PKD2L2: variants seen among roughly 807,000 people sequenced by gnomAD.
The protein encoded by PKD2L2 is polycystin 2 like 2, transient receptor potential cation channel, also known as polycystin-2-like protein 2.
PKD2L2 carries 67 observed loss-of-function variants against 83.9 expected under a neutral mutation model. The observed-to-expected ratio is 0.80, with a 90% CI of 0.66 to 0.98. The LOEUF (loss-of-function observed/expected upper bound fraction) is 0.98, where lower values mean the gene tolerates loss of function less well. PKD2L2 is among the 50% of genes least tolerant of loss of function. The pLI, the probability that PKD2L2 is intolerant of heterozygous loss-of-function variation, is 0.00. For synonymous variants in PKD2L2, 223 were observed against 237.8 expected, an observed-to-expected ratio of 0.94 and a Z score of 0.57; for missense variants, 632 against 717.2, an observed-to-expected ratio of 0.88 and a Z score of 1.36.
intron 12 of PKD2L2, among the ~76,000 whole-genome samples, chr5:137,929,678 T>C (rs1234250941): frequency 6.6e-6 from 1 of 151,924 alleles, no homozygotes; most frequent in African/African-American, 2.4e-5. Context: ...AATATTTTCA[T>C]CCAGCAAAGC....
Position 137,942,731 on chromosome 5 carries a change from C to T in PKD2L2, c.*365C>T. 1 of 626,500 alleles carries T rather than the reference C, an allele frequency of 1.6e-6. No homozygotes were observed. Among genetic ancestry groups the T allele is most frequent in the South Asian group, 3.0e-5 (1 of 33,250 alleles). The allele number at this position is 626,500 out of a possible 1,614,324, so 38.8% of individuals were successfully genotyped here. A position where few individuals can be genotyped will look rare whatever the true frequency, so the allele number is the denominator to read the frequency against. ...AAATGGGAATGACAATAAATATTTG[C>T]AAATCACACTTGAAAAGCATGTGTC... On this transcript the variant is annotated 3_prime_UTR_variant, in exon 15 of 15. Transcript: ENST00000508883.
At chr5:137,921,588 T>C (rs1195463779) in intron 8 of PKD2L2, 48 bp from the exon 9 acceptor site, 2 of 1,213,748 alleles carry the variant, frequency 1.6e-6, no homozygotes, top group Non-Finnish European at 2.4e-6. Flanking sequence ...TCAGTTGTCA[T>C]GTATGTACAT....
chr5:137,907,011 C>T (rs533954242), intron 6 of PKD2L2, among the ~76,000 whole-genome samples: 5 of 152,112 alleles, frequency 3.3e-5, no homozygotes, highest in South Asian at 2.1e-4. Context: ...TTAGGCAGGC[C>T]GAGACAAATG....
Position 137,901,911 on chromosome 5 carries a change from C to T in PKD2L2, c.746+2174C>T, listed in dbSNP as rs112941906. Among the ~76,000 whole-genome samples, 1,228 of 152,084 alleles carry T rather than the reference C, an allele frequency of 8.1e-3. 12 individuals carry two copies. The highest frequency in any genetic ancestry group is 0.014 in the Non-Finnish European group (927 of 67,986). ...CATCAAACCTGAAACAACAAATACC[C>T]GCTGGAGAAAACTGTTCAGATGTGC... is the stretch of plus-strand genomic sequence containing the variant. On this transcript the variant is annotated intron_variant, in intron 5 of 14. Coordinates refer to ENST00000508883, the MANE Select transcript of PKD2L2 (RefSeq NM_001300921.2).
chr5:137,901,335 T>G (rs942609607), intron 5 of PKD2L2, among the ~76,000 whole-genome samples: 3 of 152,102 alleles, frequency 2.0e-5, no homozygotes, highest in Non-Finnish European at 4.4e-5. Flanking sequence ...ATAGCAGACG[T>G]CATTTTGAAA....
intron 4 of PKD2L2, among the ~76,000 whole-genome samples, chr5:137,895,688 G>A (rs1170936566): frequency 1.3e-5 from 2 of 151,862 alleles, no homozygotes; most frequent in Non-Finnish European, 2.9e-5. Context: ...GACAAGACTG[G>A]CCAACATGGT....
chr5:137,903,528 T>C (rs748272769), intron 5 of PKD2L2, among the ~76,000 whole-genome samples: 4 of 152,224 alleles, frequency 2.6e-5, no homozygotes, highest in Non-Finnish European at 5.9e-5. Flanking sequence ...GAAGCCATTC[T>C]GAAAGGAAAC....
intron 11 of PKD2L2, among the ~76,000 whole-genome samples, chr5:137,925,392 C>G (rs1325753419): frequency 6.6e-6 from 1 of 152,164 alleles, no homozygotes; most frequent in Non-Finnish European, 1.5e-5. Context: ...GGAGTGCCTC[C>G]TAATTTCTGA....
chr5:137,929,578 A>G (rs2150056782), intron 12 of PKD2L2, among the ~76,000 whole-genome samples: 1 of 149,854 alleles, frequency 6.7e-6, no homozygotes, highest in East Asian at 1.9e-4. Flanking sequence ...ACGGTAAAAG[A>G]CTTAAAATAT....
At chr5:137,936,509 G>T in intron 14 of PKD2L2, 82 bp downstream of exon 14, 1 of 1,173,604 alleles carries the variant, frequency 8.5e-7, no homozygotes, top group Non-Finnish European at 1.2e-6. Flanking sequence ...AGGCTGGAGT[G>T]CAGTGGCGTG....
At chr5:137,917,758 G>A (rs1046668662) in intron 8 of PKD2L2, among the ~76,000 whole-genome samples, 2 of 152,170 alleles carry the variant, frequency 1.3e-5, no homozygotes, top group African/African-American at 2.4e-5. Context: ...GTCTTTCTCA[G>A]AGAGCGTATC....
chr5:137,935,438 C>T lies in PKD2L2; in HGVS notation c.1672-359C>T, dbSNP rs118168879. Among the ~76,000 whole-genome samples, 207 of 152,282 alleles carry T rather than the reference C, an allele frequency of 1.4e-3. 3 individuals are homozygous for T. The East Asian group carries it at 0.026, about 19-fold the overall frequency. ...CACAGATACACTTTGAATCTAATTA[C>T]TAGTTACATTTGCTAAATAACAGAG... On this transcript the variant is annotated intron_variant, in intron 12 of 14. Transcript: ENST00000508883.
chr5:137,903,080 G>A (rs1398245191), intron 5 of PKD2L2, among the ~76,000 whole-genome samples: 2 of 152,182 alleles, frequency 1.3e-5, no homozygotes, highest in Admixed American at 1.3e-4. Context: ...AGTTGATCCA[G>A]CTGGGCTTGA....
intron 5 of PKD2L2, among the ~76,000 whole-genome samples, chr5:137,901,912 G>T (rs916130535): frequency 2.0e-5 from 3 of 151,922 alleles, no homozygotes; most frequent in Non-Finnish European, 4.4e-5. Flanking sequence ...ACAAATACCC[G>T]CTGGAGAAAA....
chr5:137,939,633 A>C (rs1480310969), intron 14 of PKD2L2: 2 of 167,782 alleles, frequency 1.2e-5, no homozygotes, highest in Non-Finnish European at 2.5e-5. Flanking sequence ...GAATTGCAAA[A>C]TTTTACTAAC....
intron 2 of PKD2L2, among the ~76,000 whole-genome samples, chr5:137,891,375 G>A (rs1056515559): frequency 1.3e-5 from 2 of 152,070 alleles, no homozygotes; most frequent in Admixed American, 1.3e-4. Flanking sequence ...CTGAGGTGGA[G>A]GATTGCTTGA....
Position 137,942,570 on chromosome 5 carries a change from C to T in PKD2L2, c.*204C>T, listed in dbSNP as rs752574061. ...TACAGTCTGGGTCCCACTATATTGC[C>T]CAGGCTGGTCTTGAACTCCTGGCCT... On this transcript the variant is annotated 3_prime_UTR_variant, in exon 15 of 15. Coordinates refer to ENST00000508883, the MANE Select transcript of PKD2L2 (RefSeq NM_001300921.2). 5 of 313,968 alleles carry T rather than the reference C, an allele frequency of 1.6e-5. No individual in the cohort carries two copies. Among genetic ancestry groups the T allele is most frequent in the Non-Finnish European group, 2.3e-5 (4 of 171,898 alleles). The allele number at this position is 313,968 out of a possible 1,614,324, so 19.4% of individuals were successfully genotyped here. A position where few individuals can be genotyped will look rare whatever the true frequency, so the allele number is the denominator to read the frequency against.
chr5:137,924,505 G>C (rs974386509), intron 10 of PKD2L2, among the ~76,000 whole-genome samples: 6 of 152,094 alleles, frequency 3.9e-5, no homozygotes, highest in African/African-American at 1.4e-4. Flanking sequence ...CTGTAGCAGA[G>C]TTATATGTGT....
chr5:137,900,669 TG>T (rs1756878036), intron 5 of PKD2L2, among the ~76,000 whole-genome samples: 4 of 152,180 alleles, frequency 2.6e-5, no homozygotes, highest in South Asian at 2.1e-4. Context: ...TTTATCTCAT[TG>T]AAAATGCAGC....
Sources: gnomAD v4.1 joint callset for allele counts (sites outside exome capture counted in the v4.1 genomes callset) on GRCh38, gnomAD v4.1.1 for gene constraint, MANE v1.5 for transcripts, NCBI Gene and HGNC (gene_info 2026-07-23, HGNC 2026-07-21) for gene names.